CLDN11: variants seen among roughly 807,000 people sequenced by gnomAD.
CLDN11 encodes claudin 11.
Under a neutral mutation model 18.0 loss-of-function variants are expected in CLDN11, and 1 was observed. The observed-to-expected ratio is 0.06, with a 90% CI of 0.02 to 0.26. The LOEUF (loss-of-function observed/expected upper bound fraction) is 0.26, where lower values mean the gene tolerates loss of function less well. CLDN11 is among the 10% of genes least tolerant of loss of function. The pLI, the probability that CLDN11 is intolerant of heterozygous loss-of-function variation, is 1.00. For synonymous variants in CLDN11, 116 were observed against 121.5 expected, an observed-to-expected ratio of 0.96 and a Z score of 0.30; for missense variants, 172 against 276.6, an observed-to-expected ratio of 0.62 and a Z score of 2.68.
chr3:170,428,992 C>G (rs564655342), intron 2 of CLDN11, among the ~76,000 whole-genome samples: 1 of 152,240 alleles, frequency 6.6e-6, no homozygotes, highest in East Asian at 1.9e-4. Context: ...AACTATCAGG[C>G]CTTCTGTGTC....
chr3:170,430,907 C>A (rs1374036766), intron 2 of CLDN11, among the ~76,000 whole-genome samples: 2 of 152,110 alleles, frequency 1.3e-5, no homozygotes, highest in African/African-American at 4.8e-5. Context: ...TGTTAGAAAG[C>A]CAATCTGGGC....
At chr3:170,427,433 C>T (rs1480645338) in intron 2 of CLDN11, among the ~76,000 whole-genome samples, 1 of 152,152 alleles carries the variant, frequency 6.6e-6, no homozygotes, top group East Asian at 1.9e-4. Context: ...ACCAGCCTGA[C>T]CAACATGGAG....
intron 1 of CLDN11, among the ~76,000 whole-genome samples, chr3:170,420,774 T>C (rs146604848): frequency 9.2e-5 from 14 of 152,304 alleles, no homozygotes; most frequent in South Asian, 2.1e-4. Flanking sequence ...CTTTGGCTAA[T>C]GCTGGTGTTG....
intron 2 of CLDN11, among the ~76,000 whole-genome samples, chr3:170,428,356 A>G (rs1382158378): frequency 6.6e-6 from 1 of 152,204 alleles, no homozygotes; most frequent in Non-Finnish European, 1.5e-5. Flanking sequence ...ATTAAAAGCC[A>G]CACTTACATT....
chr3:170,434,303 C>G lies in CLDN11; in HGVS notation c.*1547C>G, dbSNP rs1739080838. On this transcript the variant is annotated 3_prime_UTR_variant, in exon 3 of 3. Transcript: ENST00000064724. ...GTCATGAAAGCATAACCTCAGTGCT[C>G]TCTAGGTTTCTTAAGTGGGGTGACT... Among the ~76,000 whole-genome samples, 1 of 152,182 alleles carries G rather than the reference C, an allele frequency of 6.6e-6. No individual in the cohort carries two copies. The highest frequency in any genetic ancestry group is 2.1e-4 in the South Asian group (1 of 4,828).
intron 2 of CLDN11, among the ~76,000 whole-genome samples, chr3:170,430,299 G>T (rs1228054239): frequency 1.3e-5 from 2 of 152,166 alleles, no homozygotes; most frequent in Non-Finnish European, 2.9e-5. Flanking sequence ...GCCTGATTTG[G>T]AGTTCACGCC....
rs1348648381 is a variant in CLDN11, at chr3:170,434,606, T to G, written c.*1850T>G. On this transcript the variant is annotated 3_prime_UTR_variant, in exon 3 of 3. Coordinates refer to ENST00000064724, the MANE Select transcript of CLDN11 (RefSeq NM_005602.6). Reference sequence around the variant, plus strand: ...TTTCTGTTCCAGAAACTTCATCAAGTTACGGGCCTGGTCTAAGAAAACACA... The same window carrying G: ...TTTCTGTTCCAGAAACTTCATCAAGGTACGGGCCTGGTCTAAGAAAACACA... 6.6e-6 allele frequency among the ~76,000 whole-genome samples: 1 copy of G among 152,246 alleles called. No homozygotes were observed. The highest frequency in any genetic ancestry group is 1.5e-5 in the Non-Finnish European group (1 of 68,040).
intron 2 of CLDN11, among the ~76,000 whole-genome samples, chr3:170,425,450 C>A (rs1186802403): frequency 3.9e-5 from 6 of 152,104 alleles, no homozygotes. Flanking sequence ...TTTAAACAAC[C>A]CTAAAAACAA....
Position 170,434,597 on chromosome 3 carries a change from T to C in CLDN11, c.*1841T>C, listed in dbSNP as rs1264254489. On this transcript the variant is annotated 3_prime_UTR_variant, in exon 3 of 3. Transcript: ENST00000064724. ...TTATTTGTTTTTCTGTTCCAGAAAC[T>C]TCATCAAGTTACGGGCCTGGTCTAA... Among the ~76,000 whole-genome samples the C allele has an allele frequency of 6.6e-6, 1 of 152,236 alleles. No homozygotes were observed. The highest frequency in any genetic ancestry group is 6.5e-5 in the Admixed American group (1 of 15,282).
chr3:170,419,350 G>A lies in CLDN11; in HGVS notation c.226+58G>A, dbSNP rs548993188. The stretch of plus-strand genomic sequence containing the variant: ...TCCTTATCCTCTGGGTAGAGAGCGG[G>A]ATATTAGACGGCGTCACAGAGACAT... On this transcript the variant is annotated intron_variant, in intron 1 of 2. Transcript: ENST00000064724. This position sits in a 1 kb window ranked among gnomAD's most constrained non-coding sequence, Gnocchi z 8.6. The A allele has an allele frequency of 1.1e-5, 14 of 1,284,566 alleles. No individual in the cohort carries two copies. In the East Asian group the frequency reaches 3.6e-4, roughly 33 times the overall value. The allele number at this position is 1,284,566 out of a possible 1,614,324, so 79.6% of individuals were successfully genotyped here.
rs566999013 is a variant in CLDN11 at position 170,428,313 on chromosome 3, T to C, written c.392-4211T>C. ...TTAACTTCATGTTTATTTAACTCCA[T>C]GTGTTACCATGTGTCATCTCATCTT... On this transcript the variant is annotated intron_variant, in intron 2 of 2. Transcript: ENST00000064724. Among the ~76,000 whole-genome samples the C allele has an allele frequency of 1.5e-4, 23 of 152,348 alleles. No homozygotes were observed. In the South Asian group the frequency reaches 4.6e-3, roughly 30 times the overall value.
Position 170,419,228 on chromosome 3 carries a change from C to T in CLDN11, c.162C>T (p.Ala54=). The stretch of plus-strand genomic sequence containing the variant: ...AGCTGGGCTCCAAGGGGCTGTGGGC[C>T]GACTGCGTCATGGCCACGGGGCTGT... ...LDELGSKGLW[A]DCVMATGLYH... is the part of the protein sequence containing the mutation. The change falls in exon 1 of 3, where the codon GCC becomes GCT. Residue 54 remains alanine, a synonymous_variant. Coordinates refer to ENST00000064724, the MANE Select transcript of CLDN11 (RefSeq NM_005602.6). The surrounding 1 kb of genome is among the most constrained non-coding windows in gnomAD (Gnocchi z 8.6). The T allele has an allele frequency of 6.3e-7, 1 of 1,575,218 alleles. No homozygotes were observed.
At position 170,433,694 on chromosome 3, in the gene CLDN11, A is replaced by G. The variant is rs114923460; in HGVS notation, c.*938A>G. On this transcript the variant is annotated 3_prime_UTR_variant, in exon 3 of 3. Coordinates refer to ENST00000064724, the MANE Select transcript of CLDN11 (RefSeq NM_005602.6). ...TGTACATACTTTTTCAAGATTGATC[A>G]TTTTTATAACCATGGTTTTCCTGAA... 5.2e-4 allele frequency: 79 copies of G among 152,698 alleles called. No homozygotes were observed. The highest frequency in any genetic ancestry group is 1.9e-3 in the African/African-American group (78 of 41,554). The allele number at this position is 152,698 out of a possible 1,614,324, so 9.5% of individuals were successfully genotyped here.
chr3:170,427,744 G>T (rs965630254), intron 2 of CLDN11, among the ~76,000 whole-genome samples: 2 of 150,768 alleles, frequency 1.3e-5, no homozygotes, highest in Admixed American at 1.3e-4. Context: ...ATGTGGCAGA[G>T]TTTGCAGTGA....
At position 170,419,020 on chromosome 3, in the gene CLDN11, A is replaced by C. The variant is rs1398969200; in HGVS notation, c.-47A>C. On this transcript the variant is annotated 5_prime_UTR_variant, in exon 1 of 3. Coordinates refer to ENST00000064724, the MANE Select transcript of CLDN11 (RefSeq NM_005602.6). The surrounding 1 kb of genome is among the most constrained non-coding windows in gnomAD (Gnocchi z 8.6). ...GGCAGGCACTGTCCAGCCCAGGCCCAGGCACAGCCGTGAGGGGCGAGGCAC... is the reference window on the plus strand; with the variant it reads ...GGCAGGCACTGTCCAGCCCAGGCCCCGGCACAGCCGTGAGGGGCGAGGCAC... 1 of 1,418,112 alleles carries C rather than the reference A, an allele frequency of 7.1e-7. No individual in the cohort carries two copies. The allele number at this position is 1,418,112 out of a possible 1,614,324, so 87.8% of individuals were successfully genotyped here. A position where few individuals can be genotyped will look rare whatever the true frequency, so the allele number is the denominator to read the frequency against.
chr3:170,428,465 A>G (rs917478969), intron 2 of CLDN11, among the ~76,000 whole-genome samples: 7 of 152,210 alleles, frequency 4.6e-5, no homozygotes, highest in African/African-American at 1.7e-4. Context: ...TAAAGAATGT[A>G]TTGTGTTGCA....
intron 2 of CLDN11, among the ~76,000 whole-genome samples, chr3:170,427,885 T>C (rs1018028693): frequency 3.3e-5 from 5 of 150,036 alleles, no homozygotes; most frequent in Non-Finnish European, 7.4e-5. Context: ...GGGCCAGGCA[T>C]GGTGGTTCAC....
At position 170,432,969 on chromosome 3, in the gene CLDN11, C is replaced by A; in HGVS notation, c.*213C>A. 1 of 555,084 alleles carries A rather than the reference C, an allele frequency of 1.8e-6. No individual in the cohort carries two copies. The highest frequency in any genetic ancestry group is 4.8e-4 in the Middle Eastern group (1 of 2,064). 34.4% of individuals were successfully genotyped at this position (555,084 alleles called of 1,614,324 possible). A position where few individuals can be genotyped will look rare whatever the true frequency, so the allele number is the denominator to read the frequency against. On this transcript the variant is annotated 3_prime_UTR_variant, in exon 3 of 3. Coordinates refer to ENST00000064724, the MANE Select transcript of CLDN11 (RefSeq NM_005602.6). ...AGAAATCTCTAGCTCAGATAATGCC[C>A]AGACATTTTTTTCCCTTGGTGTTGC...
At chr3:170,422,453 G>A (rs138220558) in intron 1 of CLDN11, among the ~76,000 whole-genome samples, 117 of 152,034 alleles carry the variant, frequency 7.7e-4, no homozygotes, top group African/African-American at 2.4e-3. Flanking sequence ...AAAGAGTCTC[G>A]CTCTGTCACC....
Sources: allele counts gnomAD v4.1 joint callset (sites outside exome capture counted in the v4.1 genomes callset), GRCh38; gene constraint gnomAD v4.1.1; non-coding constraint Gnocchi (gnomAD v3.1); transcripts MANE v1.5; gene names NCBI Gene and HGNC (gene_info 2026-07-23, HGNC 2026-07-21).